Variants in ATP8B4 observed in about 807,000 individuals in gnomAD.
ATP8B4 encodes the protein probable phospholipid-transporting ATPase IM.
In ATP8B4, 133 loss-of-function variants were observed where a neutral mutation model predicts 145.6. That is an observed-to-expected ratio of 0.91 (90% CI 0.79 to 1.05). The LOEUF (loss-of-function observed/expected upper bound fraction) is 1.05, where lower values mean the gene tolerates loss of function less well. Among genes scored for constraint, ATP8B4 ranks in the 50% least tolerant of loss-of-function variants. The probability of loss-of-function intolerance (pLI) is 0.00; values close to 1 mark genes in which losing one functional copy is unlikely to be tolerated. For missense variants in ATP8B4, 1,458 were observed against 1,425.2 expected (o/e 1.02, Z -0.37); for synonymous variants, 507 against 492.9 (o/e 1.03, Z -0.38).
chr15:50,106,942 G>C lies in ATP8B4; in HGVS notation c.25C>G (p.Arg9Gly), dbSNP rs774496277. The C allele has an allele frequency of 6.3e-7, 1 of 1,596,056 alleles. No homozygotes were observed. The highest frequency in any genetic ancestry group is 8.5e-7 in the Non-Finnish European group (1 of 1,173,068). MFCSEKKL[R>G]EVERIVKAND... Reference sequence around the variant, plus strand: ...ATTGGAAGAACTCAAAACTTACCACGCAATTTCTTTTCACTGCAGAACATT... The same window carrying C: ...ATTGGAAGAACTCAAAACTTACCACCCAATTTCTTTTCACTGCAGAACATT... Residue 9 changes from arginine to glycine, a missense_variant, in exon 2 of 28, where the codon CGT becomes GGT. Transcript: ENST00000284509.
intron 1 of ATP8B4, among the ~76,000 whole-genome samples, chr15:50,175,971 G>A (rs1486574119): frequency 6.6e-6 from 1 of 151,752 alleles, no homozygotes; most frequent in African/African-American, 2.4e-5. Context: ...ATCAATGAGT[G>A]GTTAAAGATA....
chr15:50,060,514 C>A (rs2153622271), intron 3 of ATP8B4, among the ~76,000 whole-genome samples: 1 of 152,288 alleles, frequency 6.6e-6, no homozygotes, highest in East Asian at 1.9e-4. Flanking sequence ...TCCAATCCTT[C>A]ATTTCCCCCA....
At chr15:50,109,966 C>T (rs1366069282) in intron 1 of ATP8B4, among the ~76,000 whole-genome samples, 1 of 152,158 alleles carries the variant, frequency 6.6e-6, no homozygotes, top group African/African-American at 2.4e-5. Context: ...CATATTCTTC[C>T]TAAAATTACT....
At chr15:50,003,274 ATGTGTGTGTGTGTGTGTG>A (rs10539979) in intron 7 of ATP8B4, among the ~76,000 whole-genome samples, 6 of 141,088 alleles carry the variant, frequency 4.3e-5, no homozygotes, top group Non-Finnish European at 7.7e-5. Flanking sequence ...TAGGGTGTGC[ATGTGTGTGTGTGTGTGTG>A]TGTGTGTGTG....
At chr15:50,014,984 C>T (rs28492873) in intron 6 of ATP8B4, among the ~76,000 whole-genome samples, 1,535 of 152,150 alleles carry the variant, frequency 0.01, 33 homozygotes, top group African/African-American at 0.035. Flanking sequence ...TTAGAAGCCA[C>T]GAAAATGTCC....
chr15:49,959,358 T>G (rs935369135), intron 14 of ATP8B4, among the ~76,000 whole-genome samples: 20 of 151,980 alleles, frequency 1.3e-4, no homozygotes, highest in Non-Finnish European at 2.2e-4. Context: ...TAATCCAAAT[T>G]TTTCATTCTG....
At chr15:49,929,713 G>A (rs1314292431) in intron 16 of ATP8B4, among the ~76,000 whole-genome samples, 1 of 151,936 alleles carries the variant, frequency 6.6e-6, no homozygotes, top group Non-Finnish European at 1.5e-5. Context: ...AGAAAACAAT[G>A]GGACAAGAAG....
chr15:50,073,019 TACAC>T (rs373934302), intron 3 of ATP8B4, among the ~76,000 whole-genome samples: 627 of 32,188 alleles, frequency 0.019, 23 homozygotes, highest in African/African-American at 0.051. Flanking sequence ...TATATATATA[TACAC>T]ACACACACAC....
chr15:50,116,027 G>T (rs1360367758), intron 1 of ATP8B4, among the ~76,000 whole-genome samples: 3 of 152,208 alleles, frequency 2.0e-5, no homozygotes, highest in Non-Finnish European at 4.4e-5. Flanking sequence ...TAATCTCACA[G>T]TTTGGGCTGG....
chr15:49,938,488 C>A (rs572283586), intron 14 of ATP8B4, among the ~76,000 whole-genome samples: 6 of 152,040 alleles, frequency 3.9e-5, no homozygotes, highest in African/African-American at 1.4e-4. Context: ...CACTGTAAAC[C>A]AATAACAGTA....
intron 5 of ATP8B4, among the ~76,000 whole-genome samples, chr15:50,042,413 C>T (rs1330906351): frequency 1.3e-5 from 2 of 152,098 alleles, no homozygotes; most frequent in African/African-American, 4.8e-5. Flanking sequence ...AAGTACAAAT[C>T]TTCCCATATG....
At chr15:49,874,976 CA>C (rs948343648) in intron 25 of ATP8B4, among the ~76,000 whole-genome samples, 11 of 147,902 alleles carry the variant, frequency 7.4e-5, no homozygotes, top group African/African-American at 7.5e-5. Flanking sequence ...TATGGGCAAG[CA>C]AAAAAAAAGA....
intron 3 of ATP8B4, among the ~76,000 whole-genome samples, chr15:50,060,532 T>C (rs115523630): frequency 0.029 from 4,430 of 152,222 alleles, 224 homozygotes; most frequent in African/African-American, 0.1. Flanking sequence ...CCATGTAAAT[T>C]TGCATGGGAA....
chr15:50,151,599 A>G (rs929348696), intron 1 of ATP8B4, among the ~76,000 whole-genome samples: 8 of 152,190 alleles, frequency 5.3e-5, no homozygotes, highest in Non-Finnish European at 7.3e-5. Flanking sequence ...AAAAATTTTA[A>G]AAGTAGCTTG....
intron 7 of ATP8B4, 106 bp downstream of exon 7, chr15:50,010,739 A>T (rs1034612890): frequency 1.8e-5 from 12 of 663,434 alleles, no homozygotes; most frequent in Non-Finnish European, 2.8e-5. Flanking sequence ...ACTGATGATA[A>T]TTATTCTGGA....
chr15:49,914,664 T>C (rs1045836822), intron 20 of ATP8B4, among the ~76,000 whole-genome samples: 2 of 152,076 alleles, frequency 1.3e-5, no homozygotes, highest in Non-Finnish European at 2.9e-5. Flanking sequence ...AGAACATGAA[T>C]AGACATTTCT....
intron 10 of ATP8B4, among the ~76,000 whole-genome samples, chr15:49,983,312 C>T (rs546832930): frequency 6.6e-6 from 1 of 152,324 alleles, no homozygotes; most frequent in East Asian, 1.9e-4. Flanking sequence ...TACAATCTTC[C>T]TCCAAGCTTC....
chr15:50,158,212 G>A (rs1053540417), intron 1 of ATP8B4, among the ~76,000 whole-genome samples: 9 of 152,204 alleles, frequency 5.9e-5, no homozygotes, highest in South Asian at 2.1e-4. Flanking sequence ...CTGCCTGGCC[G>A]CCCATCGTCT....
rs1361303077 is a variant in ATP8B4, at chr15:50,002,224, C to T, written c.436-1G>A. The stretch of plus-strand genomic sequence containing the variant: ...TACTTGATAGGAGAAGTAAATCAGC[C>T]TATTTTCAAAAATCATAACAAAAGA... On this transcript the variant is annotated splice_acceptor_variant, in intron 7 of 27. Transcript: ENST00000284509. LOFTEE classifies it high-confidence loss of function. 6.2e-7 allele frequency: 1 copy of T among 1,606,712 alleles called. No individual in the cohort carries two copies.
Sources: gnomAD v4.1 joint callset for allele counts (sites outside exome capture counted in the v4.1 genomes callset) on GRCh38, gnomAD v4.1.1 for gene constraint, MANE v1.5 for transcripts, NCBI Gene and HGNC (gene_info 2026-07-23, HGNC 2026-07-21) for gene names.